KPNA5: variants seen among roughly 807,000 people sequenced by gnomAD.
KPNA5 encodes importin subunit alpha-6.
Under a neutral mutation model 71.3 loss-of-function variants are expected in KPNA5, and 46 were observed. That is an observed-to-expected ratio of 0.65 (90% CI 0.51 to 0.83). The LOEUF (loss-of-function observed/expected upper bound fraction) is 0.83, where lower values mean the gene tolerates loss of function less well. Among genes scored for constraint, KPNA5 ranks in the 40% least tolerant of loss-of-function variants. KPNA5 has a pLI of 0.00. For missense variants in KPNA5, 547 were observed against 628.3 expected (o/e 0.87, Z 1.38); for synonymous variants, 207 against 201.4 (o/e 1.03, Z -0.24).
chr6:116,726,371 T>C, intron 11 of KPNA5, 124 bp from the exon 12 acceptor site: 1 of 734,358 alleles, frequency 1.4e-6, no homozygotes, highest in Admixed American at 3.0e-5. Context: ...AAATTAAAAA[T>C]TTATTTTAAT....
intron 4 of KPNA5, among the ~76,000 whole-genome samples, chr6:116,695,914 T>G (rs1404442600): frequency 6.6e-6 from 1 of 152,212 alleles, no homozygotes; most frequent in Non-Finnish European, 1.5e-5. Flanking sequence ...TTTGTACCAT[T>G]TCCTCATTAT....
chr6:116,727,543 A>G (rs532839441), intron 12 of KPNA5, among the ~76,000 whole-genome samples: 11 of 152,178 alleles, frequency 7.2e-5, no homozygotes, highest in East Asian at 1.9e-4. Context: ...TGCAAATACT[A>G]TGCCATTTTA....
intron 6 of KPNA5, among the ~76,000 whole-genome samples, chr6:116,704,687 AC>A (rs1391230100): frequency 6.6e-6 from 1 of 151,924 alleles, no homozygotes; most frequent in Non-Finnish European, 1.5e-5. Flanking sequence ...TGATCCTGCC[AC>A]CTTAGCCTCC....
In KPNA5 at chr6:116,735,261, A is replaced by C. The variant is rs1779631668; in HGVS notation, c.*2938A>C. 6.6e-6 allele frequency: 1 copy of C among 151,804 alleles called. No individual in the cohort carries two copies. Among genetic ancestry groups the C allele is most frequent in the African/African-American group, 2.4e-5 (1 of 41,432 alleles). 9.4% of individuals were successfully genotyped at this position (151,804 alleles called of 1,614,324 possible). A position where few individuals can be genotyped will look rare whatever the true frequency, so the allele number is the denominator to read the frequency against. ...GGTTGATTTATTGGATAAGGGACTA[A>C]AAGAAGCATATATTACCTTTGCCTT... On this transcript the variant is annotated 3_prime_UTR_variant, in exon 14 of 14. Transcript: ENST00000368564.
At chr6:116,729,158 CGT>C (rs150925835) in intron 12 of KPNA5, among the ~76,000 whole-genome samples, 12,710 of 112,028 alleles carry the variant, frequency 0.11, 678 homozygotes, top group Non-Finnish European at 0.14. Context: ...ATATGACCTC[CGT>C]GTGTGTGTGT....
intron 12 of KPNA5, 60 bp downstream of exon 12, chr6:116,726,682 A>G (rs2114497156): frequency 7.3e-7 from 1 of 1,372,258 alleles, no homozygotes; most frequent in Non-Finnish European, 9.8e-7. Context: ...TTGAAATAAA[A>G]CATATTTTAA....
intron 5 of KPNA5, among the ~76,000 whole-genome samples, chr6:116,701,441 C>T (rs760365730): frequency 4.6e-5 from 7 of 152,116 alleles, no homozygotes; most frequent in Admixed American, 6.5e-5. Flanking sequence ...TGAGTTGATA[C>T]GATAACTTCT....
intron 5 of KPNA5, among the ~76,000 whole-genome samples, chr6:116,699,606 G>A (rs1778156443): frequency 1.3e-5 from 2 of 152,180 alleles, no homozygotes; most frequent in African/African-American, 4.8e-5. Flanking sequence ...TGTATTGCAT[G>A]TGTGAATGTG....
chr6:116,689,428 T>A lies in KPNA5; in HGVS notation c.113T>A (p.Leu38His). The part of the protein sequence containing the change: ...RRRREEEGIQ[L>H]RKQKREEQLF... ...CGAAGAGAAGAAGAAGGAATACAGC[T>A]TAGAAAACAAAAAAGAGAAGAACAG... Residue 38 changes from leucine (L) to histidine (H), a missense_variant, in exon 2 of 14, where the codon CTT becomes CAT. Leu to His is a moderately conservative substitution (Grantham distance 99, BLOSUM62 -3). Transcript: ENST00000368564. 1.3e-6 allele frequency: 2 copies of A among 1,589,202 alleles called. No homozygotes were observed. The highest frequency in any genetic ancestry group is 1.4e-5 in the African/African-American group (1 of 73,306).
chr6:116,701,725 T>A (rs1415155171), intron 5 of KPNA5, among the ~76,000 whole-genome samples: 1 of 152,216 alleles, frequency 6.6e-6, no homozygotes, highest in Non-Finnish European at 1.5e-5. Flanking sequence ...AGGAGTTTTA[T>A]GCATTATAAA....
intron 4 of KPNA5, among the ~76,000 whole-genome samples, chr6:116,697,740 T>C (rs965134996): frequency 6.6e-6 from 1 of 151,972 alleles, no homozygotes; most frequent in Admixed American, 6.6e-5. Context: ...CATAGTAATA[T>C]ACAATTTAGG....
rs1003690856 is a variant in KPNA5, at chr6:116,737,698, A to T, written c.*5375A>T. 2.0e-5 allele frequency: 3 copies of T among 151,842 alleles called. No homozygotes were observed. The highest frequency in any genetic ancestry group is 7.3e-5 in the African/African-American group (3 of 41,366). 9.4% of individuals were successfully genotyped at this position (151,842 alleles called of 1,614,324 possible). ...GTTTCATGTTTTTGTCCTGGTCCCT[A>T]TTACTCTAGTTTGGCTTAAAGCAGA... On this transcript the variant is annotated 3_prime_UTR_variant, in exon 14 of 14. Coordinates refer to ENST00000368564, the MANE Select transcript of KPNA5 (RefSeq NM_001366306.2).
chr6:116,725,691 A>G, intron 10 of KPNA5, 60 bp from the exon 11 acceptor site: 1 of 1,379,438 alleles, frequency 7.2e-7, no homozygotes, highest in Non-Finnish European at 9.9e-7. Context: ...ATTCATTAGT[A>G]GATTTTCATA....
intron 2 of KPNA5, among the ~76,000 whole-genome samples, chr6:116,690,427 G>A (rs1459925198): frequency 1.3e-5 from 2 of 152,084 alleles, no homozygotes; most frequent in Non-Finnish European, 2.9e-5. Context: ...GGCTGAGGCG[G>A]GCGGATCACG....
intron 8 of KPNA5, among the ~76,000 whole-genome samples, chr6:116,718,226 A>G (rs1255819522): frequency 6.7e-6 from 1 of 148,380 alleles, no homozygotes; most frequent in Non-Finnish European, 1.5e-5. Flanking sequence ...ACCTTTTAAC[A>G]TAATATATGT....
chr6:116,713,136 G>A (rs1778766805), intron 7 of KPNA5, among the ~76,000 whole-genome samples: 1 of 152,044 alleles, frequency 6.6e-6, no homozygotes, highest in African/African-American at 2.4e-5. Context: ...CTAGCTCTTA[G>A]AGTTACCTAT....
chr6:116,713,249 A>C (rs1339524760), intron 7 of KPNA5, among the ~76,000 whole-genome samples: 2 of 152,134 alleles, frequency 1.3e-5, no homozygotes, highest in Admixed American at 6.6e-5. Context: ...CTATTCTTGT[A>C]AAGCCAATCT....
chr6:116,683,924 TTTTTTTG>T, intron 1 of KPNA5, among the ~76,000 whole-genome samples: 1 of 121,630 alleles, frequency 8.2e-6, no homozygotes, highest in African/African-American at 3.5e-5. Context: ...TTTTTTTTTT[TTTTTTTG>T]ACAGAGTCTT....
intron 2 of KPNA5, 129 bp downstream of exon 2, chr6:116,689,582 C>A: frequency 1.3e-6 from 1 of 765,434 alleles, no homozygotes; most frequent in Non-Finnish European, 1.9e-6. Flanking sequence ...AGACTCCAGG[C>A]ATCATAATTG....
Sources: gnomAD v4.1 joint callset for allele counts (sites outside exome capture counted in the v4.1 genomes callset) on GRCh38, gnomAD v4.1.1 for gene constraint, MANE v1.5 for transcripts, NCBI Gene and HGNC (gene_info 2026-07-23, HGNC 2026-07-21) for gene names.